The following NXPH1 variants were observed in gnomAD, a reference collection of about 807,000 sequenced individuals.
The protein encoded by NXPH1 is neurexophilin-1.
A neutral mutation model predicts 23.7 loss-of-function variants in NXPH1; 5 were observed. The observed-to-expected ratio is 0.21, with a 90% CI of 0.11 to 0.44. The LOEUF (loss-of-function observed/expected upper bound fraction) is 0.44, where lower values mean the gene tolerates loss of function less well. Ranked by LOEUF, NXPH1 falls within the 20% of genes least tolerant of loss-of-function variation. The pLI is 0.99. For synonymous variants in NXPH1, 144 were observed against 122.2 expected, an observed-to-expected ratio of 1.18 and a Z score of -1.18; for missense variants, 324 against 321.6, an observed-to-expected ratio of 1.01 and a Z score of -0.06.
intron 2 of NXPH1, among the ~76,000 whole-genome samples, chr7:8,519,247 A>G: frequency 6.6e-6 from 1 of 152,198 alleles, no homozygotes; most frequent in East Asian, 1.9e-4. Flanking sequence ...TAAAAAAGGT[A>G]TTACATTTAC....
intron 2 of NXPH1, among the ~76,000 whole-genome samples, chr7:8,658,311 T>C (rs1357839988): frequency 6.6e-6 from 1 of 152,272 alleles, no homozygotes; most frequent in Non-Finnish European, 1.5e-5. Context: ...TGCCCTGGTG[T>C]CTAATTTATG....
At chr7:8,551,596 A>G (rs1361309121) in intron 2 of NXPH1, among the ~76,000 whole-genome samples, 1 of 151,528 alleles carries the variant, frequency 6.6e-6, no homozygotes, top group Non-Finnish European at 1.5e-5. Flanking sequence ...GTTATCTTTT[A>G]CAATTTTGAG....
intron 2 of NXPH1, among the ~76,000 whole-genome samples, chr7:8,485,944 C>A (rs2128610483): frequency 6.6e-6 from 1 of 152,244 alleles, no homozygotes; most frequent in South Asian, 2.1e-4. Flanking sequence ...GTTCATCTGG[C>A]ATTGACTTTA....
At chr7:8,481,714 G>T (rs1817075621) in intron 2 of NXPH1, among the ~76,000 whole-genome samples, 2 of 152,150 alleles carry the variant, frequency 1.3e-5, no homozygotes, top group African/African-American at 4.8e-5. Context: ...GGGTGCATAT[G>T]CAGGTTTGTT....
At chr7:8,734,431 G>T (rs1434063050) in intron 2 of NXPH1, among the ~76,000 whole-genome samples, 1 of 152,132 alleles carries the variant, frequency 6.6e-6, no homozygotes, top group Non-Finnish European at 1.5e-5. Flanking sequence ...GTAGCTTGAT[G>T]GGGATAGCAT....
At chr7:8,691,353 T>C (rs1352538819) in intron 2 of NXPH1, among the ~76,000 whole-genome samples, 1 of 152,118 alleles carries the variant, frequency 6.6e-6, no homozygotes, top group African/African-American at 2.4e-5. Context: ...TTCTTCAGGT[T>C]TGTCAGGCTG....
intron 2 of NXPH1, among the ~76,000 whole-genome samples, chr7:8,470,423 A>G (rs1816853981): frequency 6.6e-6 from 1 of 152,154 alleles, no homozygotes; most frequent in African/African-American, 2.4e-5. Flanking sequence ...AAAGGGAAAC[A>G]TTTTGCTTTG....
At chr7:8,611,753 G>A (rs1819627368) in intron 2 of NXPH1, among the ~76,000 whole-genome samples, 1 of 152,126 alleles carries the variant, frequency 6.6e-6, no homozygotes, top group African/African-American at 2.4e-5. Context: ...ATGGTAAAGT[G>A]ATGATAGGAG....
chr7:8,504,798 G>A (rs1817495119), intron 2 of NXPH1, among the ~76,000 whole-genome samples: 1 of 152,060 alleles, frequency 6.6e-6, no homozygotes, highest in African/African-American at 2.4e-5. Flanking sequence ...CTTGTTCTCT[G>A]CTCTGCTAAG....
intron 2 of NXPH1, among the ~76,000 whole-genome samples, chr7:8,482,873 C>G (rs539555152): frequency 3.7e-4 from 56 of 152,306 alleles, no homozygotes; most frequent in African/African-American, 1.3e-3. Context: ...AATTGTCACT[C>G]TAGCTCTATC....
intron 2 of NXPH1, among the ~76,000 whole-genome samples, chr7:8,585,299 G>A (rs1427604746): frequency 6.6e-6 from 1 of 152,162 alleles, no homozygotes; most frequent in Non-Finnish European, 1.5e-5. Context: ...TCTGCCTGTG[G>A]GGTCCAAATG....
intron 2 of NXPH1, among the ~76,000 whole-genome samples, chr7:8,638,283 G>A (rs1820251363): frequency 6.6e-6 from 1 of 152,138 alleles, no homozygotes; most frequent in South Asian, 2.1e-4. Context: ...AATTGGCACT[G>A]CTCAGCTCAT....
intron 2 of NXPH1, among the ~76,000 whole-genome samples, chr7:8,524,794 T>C (rs894036840): frequency 1.3e-5 from 2 of 152,178 alleles, no homozygotes; most frequent in East Asian, 3.9e-4. Flanking sequence ...GCTGCCACCA[T>C]GTAAGATGTG....
intron 2 of NXPH1, among the ~76,000 whole-genome samples, chr7:8,575,822 C>G (rs1015456519): frequency 2.0e-5 from 3 of 151,748 alleles, no homozygotes; most frequent in Non-Finnish European, 4.4e-5. Context: ...TGTATAGGCC[C>G]ATTTTATGGA....
At chr7:8,738,738 C>T (rs576399702) in intron 2 of NXPH1, among the ~76,000 whole-genome samples, 8 of 152,298 alleles carry the variant, frequency 5.3e-5, no homozygotes, top group African/African-American at 1.9e-4. Context: ...CCACTTCCCC[C>T]AGGTGCTCTG....
intron 2 of NXPH1, among the ~76,000 whole-genome samples, chr7:8,615,129 G>C (rs1005741974): frequency 6.6e-6 from 1 of 151,984 alleles, no homozygotes; most frequent in Admixed American, 6.6e-5. Flanking sequence ...TCTATTGGGG[G>C]AAAATGTACG....
intron 2 of NXPH1, among the ~76,000 whole-genome samples, chr7:8,620,371 C>T (rs1398152723): frequency 3.9e-5 from 6 of 152,156 alleles, no homozygotes; most frequent in Non-Finnish European, 4.4e-5. Flanking sequence ...CAGCTGACAA[C>T]AATTCTGACC....
intron 2 of NXPH1, among the ~76,000 whole-genome samples, chr7:8,594,912 T>G (rs190756877): frequency 3.9e-5 from 6 of 152,144 alleles, no homozygotes; most frequent in Admixed American, 1.3e-4. Flanking sequence ...GCTGAGTGTG[T>G]ATTTCCATTA....
chr7:8,519,899 T>G (rs59869701), intron 2 of NXPH1, among the ~76,000 whole-genome samples: 2,771 of 152,268 alleles, frequency 0.018, 75 homozygotes, highest in African/African-American at 0.061. Flanking sequence ...CATTAATGTA[T>G]CATTTGAAAT....
Sources: gnomAD v4.1 joint callset for allele counts (sites outside exome capture counted in the v4.1 genomes callset) on GRCh38, gnomAD v4.1.1 for gene constraint, MANE v1.5 for transcripts, NCBI Gene and HGNC (gene_info 2026-07-23, HGNC 2026-07-21) for gene names.